PRKCE: variants seen among roughly 807,000 people sequenced by gnomAD.
PRKCE encodes the protein protein kinase C epsilon type.
PRKCE carries 16 observed loss-of-function variants against 85.4 expected under a neutral mutation model. The observed-to-expected ratio is 0.19, with a 90% confidence interval of 0.13 to 0.28. The LOEUF is 0.28. PRKCE is among the 10% of genes least tolerant of loss of function. The pLI is 1.00. For missense variants in PRKCE, 573 were observed against 975.2 expected (o/e 0.59, Z 5.49); for synonymous variants, 388 against 371.5 (o/e 1.04, Z -0.51).
intron 2 of PRKCE, among the ~76,000 whole-genome samples, chr2:45,848,631 T>G (rs1691992568): frequency 6.6e-6 from 1 of 152,154 alleles, no homozygotes; most frequent in South Asian, 2.1e-4. Context: ...TTTCAACAAA[T>G]GTGCCCAGCT....
intron 1 of PRKCE, among the ~76,000 whole-genome samples, chr2:45,808,108 C>T (rs1688383041): frequency 6.6e-6 from 1 of 152,052 alleles, no homozygotes; most frequent in East Asian, 1.9e-4. Context: ...ATCTGTAACC[C>T]TCACCACCTG....
chr2:45,711,271 A>G (rs1173888916), intron 1 of PRKCE, among the ~76,000 whole-genome samples: 6 of 152,208 alleles, frequency 3.9e-5, no homozygotes, highest in African/African-American at 7.2e-5. Flanking sequence ...GTAATAGACA[A>G]CAGCTGCAAG....
intron 2 of PRKCE, among the ~76,000 whole-genome samples, chr2:45,888,777 C>T (rs980367699): frequency 1.6e-4 from 25 of 152,146 alleles, no homozygotes; most frequent in African/African-American, 6.0e-4. Flanking sequence ...AAGAGCAAGC[C>T]AGGGAGTACT....
At chr2:46,180,965 G>T (rs781522909) in intron 14 of PRKCE, among the ~76,000 whole-genome samples, 2 of 152,162 alleles carry the variant, frequency 1.3e-5, no homozygotes, top group Non-Finnish European at 2.9e-5. Context: ...TTAGAATGTT[G>T]TTCCCTGTGT....
In PRKCE at chr2:45,697,786, C is replaced by G. The variant is rs1678277125; in HGVS notation, c.348+45338C>G. ...TGAAAGGACAGACTACCTCTGCTGA[C>G]CACCCCAATTTCCAGCAAGCTTTTT... is the stretch of plus-strand genomic sequence containing the variant. On this transcript the variant is annotated intron_variant, in intron 1 of 14. Transcript: ENST00000306156. The surrounding 1 kb of genome is among the most constrained non-coding windows in gnomAD (Gnocchi z 4.2). Among the ~76,000 whole-genome samples the G allele has an allele frequency of 6.6e-6, 1 of 152,174 alleles. No homozygotes were observed. The highest frequency in any genetic ancestry group is 1.5e-5 in the Non-Finnish European group (1 of 68,042).
At chr2:46,009,390 G>A (rs1489559210) in intron 9 of PRKCE, among the ~76,000 whole-genome samples, 2 of 152,148 alleles carry the variant, frequency 1.3e-5, no homozygotes, top group African/African-American at 2.4e-5. Flanking sequence ...CAAAGGAGAC[G>A]TGAATAATTT....
At chr2:45,986,821 C>T (rs1362491490) in intron 6 of PRKCE, among the ~76,000 whole-genome samples, 4 of 152,040 alleles carry the variant, frequency 2.6e-5, no homozygotes, top group Admixed American at 1.3e-4. Flanking sequence ...TCCACTTCCC[C>T]GTTGGAGTAT....
At position 45,803,908 on chromosome 2, in the gene PRKCE, G is replaced by A. The variant is rs80249084; in HGVS notation, c.349-39092G>A. ...AAAGTTGCAGAGATTCTGTACACAG[G>A]ATGTTGTTTAATGGGCAAAGCTGGA... On this transcript the variant is annotated intron_variant, in intron 1 of 14. Transcript: ENST00000306156. Among the ~76,000 whole-genome samples the A allele has an allele frequency of 6.9e-3, 1,047 of 152,308 alleles. 22 individuals are homozygous for A. The highest frequency in any genetic ancestry group is 0.024 in the African/African-American group (997 of 41,564).
chr2:46,045,517 T>C (rs958543408), intron 10 of PRKCE, among the ~76,000 whole-genome samples: 1 of 152,216 alleles, frequency 6.6e-6, no homozygotes, highest in Non-Finnish European at 1.5e-5. Context: ...GTCAGTAGGA[T>C]CTGCATGTTG....
At chr2:45,752,103 C>T (rs890819962) in intron 1 of PRKCE, among the ~76,000 whole-genome samples, 4 of 152,132 alleles carry the variant, frequency 2.6e-5, no homozygotes, top group African/African-American at 9.7e-5. Context: ...AGGCGTGAGC[C>T]ACCGCGCCCG....
chr2:46,036,546 C>T lies in PRKCE; in HGVS notation c.1437+26029C>T, dbSNP rs190168349. Reference sequence around the variant, plus strand: ...TGGGGACTGCAGTGAGCCATGATCGCGCCACTGCACTCCAGCCTGGGCTAC... The same window carrying T: ...TGGGGACTGCAGTGAGCCATGATCGTGCCACTGCACTCCAGCCTGGGCTAC... On this transcript the variant is annotated intron_variant, in intron 10 of 14. Transcript: ENST00000306156. Among the ~76,000 whole-genome samples, 403 of 152,190 alleles carry T rather than the reference C, an allele frequency of 2.6e-3. 1 individual carries two copies. Among genetic ancestry groups the T allele is most frequent in the African/African-American group, 9.4e-3 (392 of 41,520 alleles).
intron 2 of PRKCE, among the ~76,000 whole-genome samples, chr2:45,958,811 T>TAC (rs1701173207): frequency 3.5e-5 from 1 of 28,238 alleles, no homozygotes; most frequent in Non-Finnish European, 6.3e-5. Context: ...TATATATATA[T>TAC]ATATATTTTT....
intron 2 of PRKCE, among the ~76,000 whole-genome samples, chr2:45,949,745 T>C (rs927325743): frequency 6.6e-6 from 1 of 152,178 alleles, no homozygotes; most frequent in African/African-American, 2.4e-5. Context: ...GGATCATATT[T>C]ATCGGTCCAT....
chr2:45,994,755 C>T (rs1000159380), intron 6 of PRKCE, among the ~76,000 whole-genome samples: 12 of 152,130 alleles, frequency 7.9e-5, no homozygotes, highest in East Asian at 7.7e-4. Flanking sequence ...CATCCATGTG[C>T]GGGTTTTTAT....
intron 12 of PRKCE, among the ~76,000 whole-genome samples, chr2:46,147,257 G>T (rs1035844004): frequency 2.0e-5 from 3 of 152,222 alleles, no homozygotes; most frequent in Non-Finnish European, 4.4e-5. Context: ...ACAGGGAACT[G>T]CTTTTCTCGT....
intron 2 of PRKCE, among the ~76,000 whole-genome samples, chr2:45,972,455 A>G (rs1189234877): frequency 6.6e-6 from 1 of 152,146 alleles, no homozygotes; most frequent in Admixed American, 6.5e-5. Flanking sequence ...TGCTGTGCAG[A>G]AGCTTTTTAG....
rs573079161 is a variant in PRKCE, at chr2:45,722,928, C to T, written c.348+70480C>T. On this transcript the variant is annotated intron_variant, in intron 1 of 14. Transcript: ENST00000306156. ...CCAGCCTGGCTAACATAGTGAAATC[C>T]TGTCTCTACTAAAAATACAAAAATT... Among the ~76,000 whole-genome samples, 5 of 152,222 alleles carry T rather than the reference C, an allele frequency of 3.3e-5. No individual in the cohort carries two copies. The South Asian group carries it at 6.2e-4, about 19-fold the overall frequency.
chr2:45,705,993 A>G (rs1312897796), intron 1 of PRKCE, among the ~76,000 whole-genome samples: 1 of 152,152 alleles, frequency 6.6e-6, no homozygotes, highest in Non-Finnish European at 1.5e-5. Flanking sequence ...TCTGTTCCCC[A>G]GGTCATAGTA....
chr2:45,652,545 C>G lies in PRKCE; in HGVS notation c.348+97C>G. On this transcript the variant is annotated intron_variant, in intron 1 of 14. Coordinates refer to ENST00000306156, the MANE Select transcript of PRKCE (RefSeq NM_005400.3). The surrounding 1 kb of genome is among the most constrained non-coding windows in gnomAD (Gnocchi z 7.7). Reference sequence around the variant, plus strand: ...ATCGTAGGGCTCCGGGACTTATTGACGACTGGGGTGTGTGTGCCTGTAAGT... The same window carrying G: ...ATCGTAGGGCTCCGGGACTTATTGAGGACTGGGGTGTGTGTGCCTGTAAGT... 1 of 1,175,708 alleles carries G rather than the reference C, an allele frequency of 8.5e-7. No homozygotes were observed. Among genetic ancestry groups the G allele is most frequent in the African/African-American group, 1.5e-5 (1 of 64,716 alleles). The allele number at this position is 1,175,708 out of a possible 1,614,324, so 72.8% of individuals were successfully genotyped here.
Sources: gnomAD v4.1 joint callset for allele counts (sites outside exome capture counted in the v4.1 genomes callset) on GRCh38, gnomAD v4.1.1 for gene constraint, Gnocchi (gnomAD v3.1) non-coding constraint, MANE v1.5 for transcripts, NCBI Gene and HGNC (gene_info 2026-07-23, HGNC 2026-07-21) for gene names.